The following AHRR variants were observed in gnomAD, a reference collection of about 807,000 sequenced individuals.
AHRR encodes ahR repressor.
Under a neutral mutation model 44.0 loss-of-function variants are expected in AHRR, and 28 were observed. That is an observed-to-expected ratio of 0.64 (90% CI 0.47 to 0.87). The LOEUF is 0.87. AHRR is among the 40% of genes least tolerant of loss of function. The pLI is 0.00. For synonymous variants in AHRR, 434 were observed against 407.0 expected, an observed-to-expected ratio of 1.07 and a Z score of -0.80; for missense variants, 990 against 953.9, an observed-to-expected ratio of 1.04 and a Z score of -0.50.
At chr5:350,775 T>TAAAAAA (rs11306149) in intron 2 of AHRR, among the ~76,000 whole-genome samples, 4 of 133,500 alleles carry the variant, frequency 3.0e-5, no homozygotes, top group Non-Finnish European at 3.2e-5. Context: ...GGTGCAACAT[T>TAAAAAA]AAAAAAAAAA....
chr5:427,257 T>C (rs529216050), intron 7 of AHRR, among the ~76,000 whole-genome samples: 1 of 152,324 alleles, frequency 6.6e-6, no homozygotes, highest in South Asian at 2.1e-4. Context: ...GATATTTTAT[T>C]TTCTTATATA....
intron 4 of AHRR, among the ~76,000 whole-genome samples, chr5:394,150 G>C (rs896497724): frequency 6.6e-6 from 1 of 152,232 alleles, no homozygotes; most frequent in Non-Finnish European, 1.5e-5. Context: ...TGCTGGCTCT[G>C]TCTGGGTGGC....
At chr5:353,988 C>T in intron 3 of AHRR, 77 bp downstream of exon 3, 2 of 1,469,008 alleles carry the variant, frequency 1.4e-6, no homozygotes, top group South Asian at 2.6e-5. Context: ...GGCCTTGTGG[C>T]CAGGTGAAGT....
rs371108745 is a variant in AHRR, at chr5:423,984, G to A, written c.708+7G>A. 1.9e-6 allele frequency: 3 copies of A among 1,595,534 alleles called. No homozygotes were observed. The highest frequency in any genetic ancestry group is 2.7e-5 in the African/African-American group (2 of 74,842). On this transcript the variant is annotated splice_region_variant and intron_variant, in intron 7 of 10. Coordinates refer to ENST00000684583, the MANE Select transcript of AHRR (RefSeq NM_001377236.1). ...CAGCACCTCGGGCTTCCTGGTGAGT[G>A]CGTGGGTCCCTGGCAGGGGGCTCCC...
rs1340560499 is a variant in AHRR, at chr5:321,782, G to C, written c.-48G>C. ...GCTCCTGGCCAGGGCGCGCTGCCCCGCGGGTGTGCCTGAGCCTCCGCGCCC... is the reference window on the plus strand; with the variant it reads ...GCTCCTGGCCAGGGCGCGCTGCCCCCCGGGTGTGCCTGAGCCTCCGCGCCC... On this transcript the variant is annotated 5_prime_UTR_variant, in exon 1 of 11. Coordinates refer to ENST00000684583, the MANE Select transcript of AHRR (RefSeq NM_001377236.1). This position sits in a 1 kb window ranked among gnomAD's most constrained non-coding sequence, Gnocchi z 8.3. The C allele has an allele frequency of 6.6e-6, 1 of 151,668 alleles. No homozygotes were observed. Among genetic ancestry groups the C allele is most frequent in the Non-Finnish European group, 1.5e-5 (1 of 67,930 alleles). The allele number at this position is 151,668 out of a possible 1,614,324, so 9.4% of individuals were successfully genotyped here.
In AHRR at chr5:389,926, GGAGGGGGAGGGGAA is replaced by G. The variant is rs1334457178; in HGVS notation, c.351+13212_351+13225del. Among the ~76,000 whole-genome samples, 39 of 119,702 alleles carry G rather than the reference GGAGGGGGAGGGGAA, an allele frequency of 3.3e-4. 1 individual carries two copies. The highest frequency in any genetic ancestry group is 1.1e-3 in the African/African-American group (37 of 32,408). 78.5% of individuals were successfully genotyped at this position (119,702 alleles called of 152,430 possible). On this transcript the variant is annotated intron_variant, in intron 4 of 10. Coordinates refer to ENST00000684583, the MANE Select transcript of AHRR (RefSeq NM_001377236.1). ...TGGGGGGAGGGGAAGGGAGGGAGGG[GGAGGGGGAGGGGAA>G]GGGAGGGAGGGGGAGGGGAGACAGG...
In AHRR at chr5:419,515, T is replaced by G. The variant is rs1735973815; in HGVS notation, c.442-3214T>G. Among the ~76,000 whole-genome samples the G allele has an allele frequency of 6.6e-6, 1 of 152,174 alleles. No individual in the cohort carries two copies. Among genetic ancestry groups the G allele is most frequent in the Non-Finnish European group, 1.5e-5 (1 of 68,032 alleles). ...CATTTATAAATGAAGAAATTAGGGA[T>G]GGCAGCAAGTGTAAGGGGAATGTTG... On this transcript the variant is annotated intron_variant, in intron 5 of 10. Transcript: ENST00000684583. The surrounding 1 kb of genome is among the most constrained non-coding windows in gnomAD (Gnocchi z 4.4).
At chr5:421,334 G>C (rs1326562094) in intron 5 of AHRR, 1 of 693,106 alleles carries the variant, frequency 1.4e-6, no homozygotes, top group Admixed American at 2.0e-5. Context: ...GGGGCAGGGG[G>C]ATGCCGGTGG....
chr5:390,887 G>A lies in AHRR; in HGVS notation c.351+14171G>A, dbSNP rs374328895. On this transcript the variant is annotated intron_variant, in intron 4 of 10. Coordinates refer to ENST00000684583, the MANE Select transcript of AHRR (RefSeq NM_001377236.1). ...TCCAACCTGGAGTTCACGCACACCCGGGGGCAGGGTCTGAGGTTTTCTTCT... is the reference window on the plus strand; with the variant it reads ...TCCAACCTGGAGTTCACGCACACCCAGGGGCAGGGTCTGAGGTTTTCTTCT... Among the ~76,000 whole-genome samples, 89 of 152,294 alleles carry A rather than the reference G, an allele frequency of 5.8e-4. No individual in the cohort carries two copies. In the South Asian group the frequency reaches 9.8e-3, roughly 17 times the overall value.
chr5:376,852 T>A, intron 4 of AHRR, 136 bp downstream of exon 4: 1 of 767,530 alleles, frequency 1.3e-6, no homozygotes, highest in Non-Finnish European at 2.1e-6. Flanking sequence ...GGTTTATAAC[T>A]GTCAGGAAGC....
chr5:423,053 C>T (rs1305338010), intron 6 of AHRR, among the ~76,000 whole-genome samples, 195 bp downstream of exon 6: 1 of 152,146 alleles, frequency 6.6e-6, no homozygotes, highest in Non-Finnish European at 1.5e-5. Flanking sequence ...TGCCACAGCT[C>T]CGTGTGGCTC....
intron 3 of AHRR, 148 bp from the exon 4 acceptor site, chr5:376,462 T>A: frequency 7.0e-5 from 1 of 14,190 alleles, no homozygotes; most frequent in East Asian, 8.9e-4. Flanking sequence ...GAATGCTGCG[T>A]GGCCTGCAGA....
rs2010135 is a variant in AHRR at position 395,095 on chromosome 5, A to G, written c.352-18249A>G. Among the ~76,000 whole-genome samples the G allele has an allele frequency of 0.33, 50,729 of 152,110 alleles. 12,664 individuals are homozygous for G. Among genetic ancestry groups the G allele is most frequent in the African/African-American group, 0.71 (29,241 of 41,476 alleles). On this transcript the variant is annotated intron_variant, in intron 4 of 10. Transcript: ENST00000684583. This position sits in a 1 kb window ranked among gnomAD's most constrained non-coding sequence, Gnocchi z 5.3. ...CCACCTGTATTTTGACTGTGACCCC[A>G]AAGCCCCTGCCCTGGGCCGTGGCTC...
intron 1 of AHRR, among the ~76,000 whole-genome samples, chr5:331,726 C>T (rs1218522414): frequency 2.0e-5 from 3 of 152,236 alleles, no homozygotes; most frequent in Non-Finnish European, 4.4e-5. Flanking sequence ...GCTCTTCCTC[C>T]TGTCAGATCA....
At chr5:422,483 G>A (rs1389857133) in intron 5 of AHRR, 4 of 526,714 alleles carry the variant, frequency 7.6e-6, no homozygotes, top group Admixed American at 6.4e-5. Flanking sequence ...CGCTTGCCCC[G>A]AAAGGCTGGA....
intron 8 of AHRR, among the ~76,000 whole-genome samples, chr5:428,973 C>T (rs1421541575): frequency 6.6e-6 from 1 of 152,270 alleles, no homozygotes; most frequent in Non-Finnish European, 1.5e-5. Flanking sequence ...GATGAAGCTT[C>T]ACTCGCTTGC....
At chr5:325,065 C>T (rs762806103) in intron 1 of AHRR, among the ~76,000 whole-genome samples, 4 of 152,194 alleles carry the variant, frequency 2.6e-5, no homozygotes, top group African/African-American at 4.8e-5. Flanking sequence ...AGGAGGGCAA[C>T]GAGGCTTCCG....
intron 7 of AHRR, among the ~76,000 whole-genome samples, chr5:427,465 G>A (rs1168329790): frequency 1.3e-5 from 2 of 152,240 alleles, no homozygotes; most frequent in Non-Finnish European, 2.9e-5. Context: ...CCCGGCTGTG[G>A]GCAGGTGGCA....
intron 3 of AHRR, among the ~76,000 whole-genome samples, chr5:354,575 G>A (rs984331487): frequency 6.6e-6 from 1 of 152,228 alleles, no homozygotes; most frequent in African/African-American, 2.4e-5. Context: ...TGGGAGCTGG[G>A]ATCGCTCCAG....
Sources: gnomAD v4.1 joint callset for allele counts (sites outside exome capture counted in the v4.1 genomes callset) on GRCh38, gnomAD v4.1.1 for gene constraint, Gnocchi (gnomAD v3.1) non-coding constraint, MANE v1.5 for transcripts, NCBI Gene and HGNC (gene_info 2026-07-23, HGNC 2026-07-21) for gene names.